Variants in GPATCH2 observed in about 807,000 individuals in gnomAD.
GPATCH2 encodes the protein G patch domain-containing protein 2.
A neutral mutation model predicts 58.0 loss-of-function variants in GPATCH2; 51 were observed. The ratio of observed to expected loss-of-function variants is 0.88; its 90% CI spans 0.70 to 1.11. The LOEUF (loss-of-function observed/expected upper bound fraction) is 1.11, where lower values mean the gene tolerates loss of function less well. GPATCH2 is among the 50% of genes most tolerant of loss of function. The pLI is 0.00. For missense variants in GPATCH2, 625 were observed against 652.2 expected, an observed-to-expected ratio of 0.96 and a Z score of 0.45; for synonymous variants, 222 against 218.5, an observed-to-expected ratio of 1.02 and a Z score of -0.14.
At chr1:217,567,800 T>C (rs755858903) in intron 5 of GPATCH2, among the ~76,000 whole-genome samples, 12 of 152,178 alleles carry the variant, frequency 7.9e-5, no homozygotes, top group Non-Finnish European at 1.6e-4. Context: ...AAGGAAAATC[T>C]CATTCACCAA....
intron 9 of GPATCH2, among the ~76,000 whole-genome samples, chr1:217,440,782 T>C (rs949884502): frequency 1.3e-5 from 2 of 152,088 alleles, no homozygotes; most frequent in African/African-American, 4.8e-5. Context: ...ATAAAATACT[T>C]AGGAATACAA....
chr1:217,600,299 T>A (rs1668049576), intron 5 of GPATCH2, among the ~76,000 whole-genome samples: 2 of 152,170 alleles, frequency 1.3e-5, no homozygotes, highest in African/African-American at 4.8e-5. Context: ...CTCTGGTTTA[T>A]CAGAATCCCC....
At chr1:217,533,222 A>G (rs1040329515) in intron 5 of GPATCH2, among the ~76,000 whole-genome samples, 3 of 151,976 alleles carry the variant, frequency 2.0e-5, no homozygotes, top group African/African-American at 7.2e-5. Flanking sequence ...TCTTTTCTTT[A>G]TAACAGCAAT....
At chr1:217,582,294 C>A (rs2102745294) in intron 5 of GPATCH2, among the ~76,000 whole-genome samples, 1 of 152,070 alleles carries the variant, frequency 6.6e-6, no homozygotes, top group Non-Finnish European at 1.5e-5. Context: ...AAAACACTAC[C>A]TAAATCCTAT....
At chr1:217,610,098 C>G in intron 5 of GPATCH2, 2 of 1,533,832 alleles carry the variant, frequency 1.3e-6, no homozygotes, top group East Asian at 2.5e-5. Context: ...GCCAGGTTCC[C>G]TCGAATGTCA....
chr1:217,427,009 T>G lies in GPATCH2; in HGVS notation c.*4136A>C, dbSNP rs148016586. On this transcript the variant is annotated 3_prime_UTR_variant, in exon 10 of 10. Coordinates refer to ENST00000366935, the MANE Select transcript of GPATCH2 (RefSeq NM_018040.5). ...TTACTCAGTTTTTTGGGAGAAAAGA[T>G]AAGTTTAATCAACATAGTGAAATGC... The G allele has an allele frequency of 6.6e-6, 1 of 151,526 alleles. No homozygotes were observed. Among genetic ancestry groups the G allele is most frequent in the East Asian group, 1.9e-4 (1 of 5,168 alleles). The allele number at this position is 151,526 out of a possible 1,614,324, so 9.4% of individuals were successfully genotyped here.
chr1:217,622,911 G>T (rs1359223076), intron 1 of GPATCH2, among the ~76,000 whole-genome samples: 1 of 152,150 alleles, frequency 6.6e-6, no homozygotes, highest in Non-Finnish European at 1.5e-5. Flanking sequence ...TTAGCATTCG[G>T]CCAAACAAAA....
intron 1 of GPATCH2, among the ~76,000 whole-genome samples, chr1:217,628,101 G>C (rs1286738119): frequency 1.3e-5 from 2 of 151,966 alleles, no homozygotes; most frequent in Non-Finnish European, 2.9e-5. Context: ...CCTATAACAG[G>C]AATGAGAATG....
chr1:217,527,548 T>C (rs1005575271), intron 5 of GPATCH2, among the ~76,000 whole-genome samples: 1 of 151,888 alleles, frequency 6.6e-6, no homozygotes, highest in African/African-American at 2.4e-5. Context: ...GCATCTTTTA[T>C]CTGGATAACC....
At chr1:217,447,484 C>G (rs1164212429) in intron 9 of GPATCH2, among the ~76,000 whole-genome samples, 1 of 152,164 alleles carries the variant, frequency 6.6e-6, no homozygotes. Flanking sequence ...TTCTTTGCAT[C>G]TTCATTTTAT....
intron 1 of GPATCH2, among the ~76,000 whole-genome samples, chr1:217,627,226 C>T (rs959520132): frequency 3.3e-5 from 5 of 152,042 alleles, no homozygotes; most frequent in South Asian, 4.2e-4. Context: ...GACCTCTACC[C>T]ACAAATAAGA....
Position 217,427,479 on chromosome 1 carries a change from A to C in GPATCH2, c.*3666T>G, listed in dbSNP as rs1658380227. ...TTTCAACTTTTAAAAAATAACTCTA[A>C]GGTAAAAGGGAAACATTTAAAGCAC... On this transcript the variant is annotated 3_prime_UTR_variant, in exon 10 of 10. Transcript: ENST00000366935. The C allele has an allele frequency of 6.6e-6, 1 of 152,146 alleles. No individual in the cohort carries two copies. The highest frequency in any genetic ancestry group is 1.5e-5 in the Non-Finnish European group (1 of 67,998). The allele number at this position is 152,146 out of a possible 1,614,324, so 9.4% of individuals were successfully genotyped here.
At chr1:217,435,168 G>A (rs1658752857) in intron 9 of GPATCH2, among the ~76,000 whole-genome samples, 1 of 152,058 alleles carries the variant, frequency 6.6e-6, no homozygotes, top group South Asian at 2.1e-4. Flanking sequence ...CCTTTCTTTG[G>A]CTCCTGGCAG....
intron 5 of GPATCH2, among the ~76,000 whole-genome samples, chr1:217,567,780 G>A (rs747735536): frequency 3.3e-5 from 5 of 152,156 alleles, no homozygotes; most frequent in African/African-American, 7.2e-5. Flanking sequence ...TGCCTTGTGC[G>A]TGTCTCAGAA....
At chr1:217,545,163 T>C (rs908481377) in intron 5 of GPATCH2, among the ~76,000 whole-genome samples, 13 of 152,342 alleles carry the variant, frequency 8.5e-5, no homozygotes, top group Middle Eastern at 3.4e-3. Context: ...ACGGTCAATA[T>C]ATGCTTGTCC....
rs915129150 is a variant in GPATCH2 at position 217,536,291 on chromosome 1, A to C, written c.1099-21402T>G. ...CAGCCATAAATTGATTCTAATTCTG[A>C]TTTCATAGATTTTCTGTAAGGATTA... is the stretch of plus-strand genomic sequence containing the variant. On this transcript the variant is annotated intron_variant, in intron 5 of 9. Coordinates refer to ENST00000366935, the MANE Select transcript of GPATCH2 (RefSeq NM_018040.5). Among the ~76,000 whole-genome samples, 5 of 152,192 alleles carry C rather than the reference A, an allele frequency of 3.3e-5. No homozygotes were observed. In the East Asian group the frequency reaches 9.6e-4, roughly 29 times the overall value.
intron 5 of GPATCH2, among the ~76,000 whole-genome samples, chr1:217,585,375 C>A (rs12031241): frequency 6.6e-6 from 1 of 152,078 alleles, no homozygotes; most frequent in East Asian, 1.9e-4. Flanking sequence ...ATAATCCCAG[C>A]GCTTTGGGAG....
intron 1 of GPATCH2, among the ~76,000 whole-genome samples, chr1:217,627,428 G>C (rs1352818323): frequency 6.6e-6 from 1 of 151,816 alleles, no homozygotes; most frequent in Admixed American, 6.6e-5. Flanking sequence ...TGGACTCCTT[G>C]AAGACTCTAT....
At chr1:217,564,873 A>G (rs1666134277) in intron 5 of GPATCH2, among the ~76,000 whole-genome samples, 1 of 152,204 alleles carries the variant, frequency 6.6e-6, no homozygotes, top group African/African-American at 2.4e-5. Flanking sequence ...AAGTTTTTAG[A>G]TATCATAGTC....
Sources: allele counts gnomAD v4.1 joint callset (sites outside exome capture counted in the v4.1 genomes callset), GRCh38; gene constraint gnomAD v4.1.1; transcripts MANE v1.5; gene names NCBI Gene and HGNC (gene_info 2026-07-23, HGNC 2026-07-21).